The following DCAF6 variants were observed in gnomAD, a reference collection of about 807,000 sequenced individuals.
DCAF6 encodes the protein DDB1 and CUL4 associated factor 6.
In DCAF6, 54 loss-of-function variants were observed where a neutral mutation model predicts 125.1. The ratio of observed to expected loss-of-function variants is 0.43; its 90% CI spans 0.35 to 0.54. The LOEUF is 0.54. Ranked by LOEUF, DCAF6 falls within the 20% of genes least tolerant of loss-of-function variation. The probability of loss-of-function intolerance (pLI) is 0.01; values close to 1 mark genes in which losing one functional copy is unlikely to be tolerated. For synonymous variants in DCAF6, 371 were observed against 390.4 expected (o/e 0.95, Z 0.58); for missense variants, 934 against 1,161.7 (o/e 0.80, Z 2.85).
At position 167,967,714 on chromosome 1, in the gene DCAF6, C is replaced by CTTT. The variant is rs552208317; in HGVS notation, c.252+1017_252+1019dup. On this transcript the variant is annotated intron_variant, in intron 3 of 21. Coordinates refer to ENST00000367840, the MANE Select transcript of DCAF6 (RefSeq NM_001198956.2). ...CCTGATTGTCTTAAATTTCCTGTATCTTTTTTTTTTTTTTTTTTTTTTTTT... is the reference window on the plus strand; with the variant it reads ...CCTGATTGTCTTAAATTTCCTGTATCTTTTTTTTTTTTTTTTTTTTTTTTTTTT... 1.4e-3 allele frequency among the ~76,000 whole-genome samples: 102 copies of CTTT among 74,574 alleles called. 9 individuals are homozygous for CTTT. The highest frequency in any genetic ancestry group is 3.0e-3 in the African/African-American group (57 of 18,980). 48.9% of individuals were successfully genotyped at this position (74,574 alleles called of 152,430 possible).
At chr1:167,865,473 A>G in the DCAF6 span, among the ~76,000 whole-genome samples, 6 of 152,356 alleles carry the variant, frequency 3.9e-5, no homozygotes, top group African/African-American at 1.4e-4. Flanking sequence ...TCAAACATGA[A>G]AAATTGGATA....
rs1688777643 is a variant in DCAF6 at position 168,043,272 on chromosome 1, TA to T, written c.1843+135del. 5.3e-5 allele frequency: 36 copies of T among 679,844 alleles called. No individual in the cohort carries two copies. In the South Asian group the frequency reaches 6.7e-4, roughly 13 times the overall value. 42.1% of individuals were successfully genotyped at this position (679,844 alleles called of 1,614,324 possible). A position where few individuals can be genotyped will look rare whatever the true frequency, so the allele number is the denominator to read the frequency against. ...ACTTTTGCTTCTATAGTCCAGCTGT[TA>T]AACTGATAGATAGCAAATCCAAAAG... On this transcript the variant is annotated intron_variant, in intron 14 of 21. Transcript: ENST00000367840.
At chr1:167,999,412 T>A (rs1344427788) in intron 7 of DCAF6, among the ~76,000 whole-genome samples, 1 of 152,192 alleles carries the variant, frequency 6.6e-6, no homozygotes, top group African/African-American at 2.4e-5. Context: ...AGAACCAGCA[T>A]GTCCTTCGAA....
chr1:168,067,736 T>C (rs1692512786), intron 20 of DCAF6, among the ~76,000 whole-genome samples: 2 of 152,212 alleles, frequency 1.3e-5, no homozygotes, highest in South Asian at 2.1e-4. Flanking sequence ...CATCTTTCTC[T>C]TCCTCTCATA....
chr1:168,067,974 GATA>G (rs1362139944), intron 20 of DCAF6, among the ~76,000 whole-genome samples: 1 of 152,132 alleles, frequency 6.6e-6, no homozygotes, highest in African/African-American at 2.4e-5. Flanking sequence ...GTGGCCCATG[GATA>G]ATAATTTAAC....
In DCAF6 at chr1:167,971,133, C is replaced by G. The variant is rs139026909; in HGVS notation, c.253-3697C>G. Among the ~76,000 whole-genome samples the G allele has an allele frequency of 5.7e-3, 862 of 152,282 alleles. 7 individuals carry two copies. Among genetic ancestry groups the G allele is most frequent in the African/African-American group, 0.018 (766 of 41,570 alleles). ...TACTCTTCTTTCTTTCTGAGATCAC[C>G]TGCTTTCTCGGGTATCTCCCATCTA... is the stretch of plus-strand genomic sequence containing the variant. On this transcript the variant is annotated intron_variant, in intron 3 of 21. Transcript: ENST00000367840.
intron 11 of DCAF6, among the ~76,000 whole-genome samples, chr1:168,020,998 A>C (rs1685602786): frequency 1.3e-5 from 2 of 152,268 alleles, no homozygotes; most frequent in South Asian, 4.1e-4. Flanking sequence ...GCAGAGTAAA[A>C]CCAAAAAGGA....
chr1:167,898,774 A>G, the DCAF6 span, among the ~76,000 whole-genome samples: 3 of 152,082 alleles, frequency 2.0e-5, no homozygotes, highest in African/African-American at 7.2e-5. Context: ...CAGCATCTGC[A>G]CGGATTCTCT....
At chr1:167,934,439 C>T (rs1052763817), upstream of DCAF6, among the ~76,000 whole-genome samples, 34 of 151,980 alleles carry the variant, frequency 2.2e-4, no homozygotes, top group African/African-American at 8.0e-4. Context: ...AGCATAATTC[C>T]AAAAAAATTG....
intron 2 of DCAF6, among the ~76,000 whole-genome samples, chr1:167,963,283 T>C (rs1382441856): frequency 6.6e-6 from 1 of 151,914 alleles, no homozygotes; most frequent in Non-Finnish European, 1.5e-5. Flanking sequence ...ACCAAAATAA[T>C]AATTTTTAAT....
intron 3 of DCAF6, among the ~76,000 whole-genome samples, chr1:167,973,424 A>G (rs899409772): frequency 2.0e-5 from 3 of 152,186 alleles, no homozygotes; most frequent in African/African-American, 7.2e-5. Flanking sequence ...ATTCTTTCCT[A>G]ACAGTCTTTC....
At chr1:168,025,813 T>C (rs57935937) in intron 12 of DCAF6, among the ~76,000 whole-genome samples, 4,567 of 152,240 alleles carry the variant, frequency 0.03, 202 homozygotes, top group African/African-American at 0.1. Flanking sequence ...TTCATCTGCC[T>C]AAAACATTTT....
chr1:167,869,489 G>A, the DCAF6 span, among the ~76,000 whole-genome samples: 2 of 152,198 alleles, frequency 1.3e-5, no homozygotes, highest in Non-Finnish European at 2.9e-5. Flanking sequence ...AAAGGACAGA[G>A]AAGCGAAACT....
chr1:167,886,514 G>A, the DCAF6 span, among the ~76,000 whole-genome samples: 7 of 152,132 alleles, frequency 4.6e-5, no homozygotes, highest in African/African-American at 1.7e-4. Context: ...GCTGAAACTG[G>A]ATCCCTTCCT....
intron 4 of DCAF6, among the ~76,000 whole-genome samples, chr1:167,979,570 A>G (rs1678786735): frequency 6.6e-6 from 1 of 152,178 alleles, no homozygotes; most frequent in Non-Finnish European, 1.5e-5. Context: ...ATTCCGTTGT[A>G]TGTATATACC....
At chr1:168,048,455 A>G (rs773949589) in intron 16 of DCAF6, among the ~76,000 whole-genome samples, 2 of 152,236 alleles carry the variant, frequency 1.3e-5, no homozygotes, top group African/African-American at 4.8e-5. Context: ...ATTTCTGACA[A>G]ATTTACTGAA....
At chr1:168,058,721 A>C (rs1307612930) in intron 17 of DCAF6, among the ~76,000 whole-genome samples, 1 of 152,164 alleles carries the variant, frequency 6.6e-6, no homozygotes, top group East Asian at 1.9e-4. Context: ...GGTGCATGCC[A>C]CCACACCCGG....
At chr1:167,870,518 C>G in the DCAF6 span, 1 of 988,322 alleles carries the variant, frequency 1.0e-6, no homozygotes, top group Admixed American at 2.1e-5. Flanking sequence ...TTGGGCCAGG[C>G]GCTGTGGCTC....
chr1:167,937,415 C>G (rs1016986320), intron 1 of DCAF6, among the ~76,000 whole-genome samples: 1 of 152,140 alleles, frequency 6.6e-6, no homozygotes, highest in Non-Finnish European at 1.5e-5. Context: ...CCCACCCTCT[C>G]CTTCAATCTC....
Sources: allele counts gnomAD v4.1 joint callset (sites outside exome capture counted in the v4.1 genomes callset), GRCh38; gene constraint gnomAD v4.1.1; transcripts MANE v1.5; gene names NCBI Gene and HGNC (gene_info 2026-07-23, HGNC 2026-07-21).